The following GALNT15 variants were observed in gnomAD, a reference collection of about 807,000 sequenced individuals.
The protein encoded by GALNT15 is UDP-GalNAc transferase T15.
In GALNT15, 67 loss-of-function variants were observed where a neutral mutation model predicts 66.8. That is an observed-to-expected ratio of 1.00 (90% confidence interval 0.82 to 1.23). GALNT15 has a LOEUF of 1.23. GALNT15 is among the 50% of genes most tolerant of loss of function. The pLI, the probability that GALNT15 is intolerant of heterozygous loss-of-function variation, is 0.00. For synonymous variants in GALNT15, 313 were observed against 311.5 expected, an observed-to-expected ratio of 1.00 and a Z score of -0.05; for missense variants, 827 against 804.3, an observed-to-expected ratio of 1.03 and a Z score of -0.34.
chr3:16,238,917 A>C, the GALNT15 span, among the ~76,000 whole-genome samples: 4 of 152,202 alleles, frequency 2.6e-5, no homozygotes, highest in Non-Finnish European at 5.9e-5. This position sits in a 1 kb window ranked among gnomAD's most constrained non-coding sequence, Gnocchi z 4.8. Context: ...TCACATGCCT[A>C]GTTGAGGACA....
rs2063623826 is a variant in GALNT15, at chr3:16,195,623, G to A, written c.540-137G>A. On this transcript the variant is annotated intron_variant, in intron 1 of 9. Transcript: ENST00000339732. The surrounding 1 kb of genome is among the most constrained non-coding windows in gnomAD (Gnocchi z 4.6). The stretch of plus-strand genomic sequence containing the variant: ...GAGGCGTAACAGGTTCTTTTTATAT[G>A]GGAATTTTAAGAGATCCCATAGGAC... 1 of 617,360 alleles carries A rather than the reference G, an allele frequency of 1.6e-6. No homozygotes were observed. The highest frequency in any genetic ancestry group is 1.8e-5 in the African/African-American group (1 of 55,174). The allele number at this position is 617,360 out of a possible 1,614,324, so 38.2% of individuals were successfully genotyped here.
rs36127239 is a variant in GALNT15, at chr3:16,207,501, TAAAAAAAAAAAAAAAA to T, written c.912-975_912-960del. Among the ~76,000 whole-genome samples, 223 of 39,832 alleles carry T rather than the reference TAAAAAAAAAAAAAAAA, an allele frequency of 5.6e-3. 17 individuals carry two copies. Among genetic ancestry groups the T allele is most frequent in the African/African-American group, 0.022 (204 of 9,398 alleles). The allele number at this position is 39,832 out of a possible 152,430, so 26.1% of individuals were successfully genotyped here. On this transcript the variant is annotated intron_variant, in intron 3 of 9. Transcript: ENST00000339732. ...ACTCTGCAGTCATATCTCCAGGCTGTAAAAAAAAAAAAAAAAAAAAAAAAAAAAAAAAAAAAAAAAA... is the reference window on the plus strand; with the variant it reads ...ACTCTGCAGTCATATCTCCAGGCTGTAAAAAAAAAAAAAAAAAAAAAAAAA...
chr3:16,212,466 G>A (rs1273369449), intron 5 of GALNT15, 103 bp from the exon 6 acceptor site: 2 of 1,062,444 alleles, frequency 1.9e-6, no homozygotes, highest in East Asian at 2.5e-5. Flanking sequence ...GAGTGCTCAC[G>A]ATTTCCTGTG....
Position 16,228,701 on chromosome 3 carries a change from G to A in GALNT15, c.*1201G>A, listed in dbSNP as rs1022019855. ...CCTGTTACAGGGTTTGCACTGACTG[G>A]AGCAGAAACAGCAACCTTTCTAAAA... On this transcript the variant is annotated 3_prime_UTR_variant, in exon 10 of 10. Coordinates refer to ENST00000339732, the MANE Select transcript of GALNT15 (RefSeq NM_054110.5). 8.1e-6 allele frequency: 8 copies of A among 985,074 alleles called. No individual in the cohort carries two copies. The highest frequency in any genetic ancestry group is 1.2e-4 in the Admixed American group (2 of 16,252). 61.0% of individuals were successfully genotyped at this position (985,074 alleles called of 1,614,324 possible).
intron 6 of GALNT15, among the ~76,000 whole-genome samples, chr3:16,213,713 C>T (rs979573097): frequency 2.0e-5 from 3 of 152,114 alleles, no homozygotes; most frequent in Non-Finnish European, 4.4e-5. Flanking sequence ...CCTTAGCAGC[C>T]CACACTGCTG....
intron 2 of GALNT15, among the ~76,000 whole-genome samples, chr3:16,196,747 A>T (rs1231052637): frequency 6.6e-6 from 1 of 152,182 alleles, no homozygotes; most frequent in Non-Finnish European, 1.5e-5. Context: ...ACACTCTGAG[A>T]ACCTCTGCTC....
chr3:16,220,036 G>T (rs751034615), intron 8 of GALNT15, 22 bp downstream of exon 8: 17 of 1,567,052 alleles, frequency 1.1e-5, no homozygotes, highest in Middle Eastern at 3.3e-4. Flanking sequence ...GACTTCTCAG[G>T]ATGGATGATA....
At chr3:16,247,097 AGTGT>A in the GALNT15 span, among the ~76,000 whole-genome samples, 7,497 of 144,850 alleles carry the variant, frequency 0.052, 426 homozygotes, top group African/African-American at 0.15. Flanking sequence ...CAAAGACTGT[AGTGT>A]GTGTGTGTGT....
intron 2 of GALNT15, among the ~76,000 whole-genome samples, chr3:16,197,239 T>C (rs1261088639): frequency 6.6e-6 from 1 of 152,114 alleles, no homozygotes; most frequent in East Asian, 1.9e-4. Context: ...AGAAATGGGC[T>C]ACCCCAGAGC....
downstream of GALNT15, among the ~76,000 whole-genome samples, chr3:16,232,499 T>A (rs1177088832): frequency 5.2e-4 from 46 of 88,432 alleles, no homozygotes; most frequent in African/African-American, 2.1e-3. Flanking sequence ...TATATATATA[T>A]ATATATATAT....
chr3:16,200,766 A>G lies in GALNT15; in HGVS notation c.854A>G (p.His285Arg), dbSNP rs778842843. The part of the protein sequence containing the change: ...TGDVLVFMDA[H>R]CECHPGWLEP... ...GATGTGCTCGTCTTCATGGATGCCC[A>G]CTGCGAGTGCCACCCAGGCTGGCTG... Residue 285 changes from histidine to arginine, a missense_variant, in exon 3 of 10, where the codon CAC becomes CGC. Coordinates refer to ENST00000339732, the MANE Select transcript of GALNT15 (RefSeq NM_054110.5). This position sits in a 1 kb window ranked among gnomAD's most constrained non-coding sequence, Gnocchi z 4.4. 1 of 1,612,392 alleles carries G rather than the reference A, an allele frequency of 6.2e-7. No individual in the cohort carries two copies. The highest frequency in any genetic ancestry group is 8.5e-7 in the Non-Finnish European group (1 of 1,179,378).
chr3:16,227,667 C>A lies in GALNT15; in HGVS notation c.*167C>A, dbSNP rs182193658. 201 of 1,434,500 alleles carry A rather than the reference C, an allele frequency of 1.4e-4. No homozygotes were observed. The East Asian group carries it at 5.0e-3, about 36-fold the overall frequency. The allele number at this position is 1,434,500 out of a possible 1,614,324, so 88.9% of individuals were successfully genotyped here. On this transcript the variant is annotated 3_prime_UTR_variant, in exon 10 of 10. Coordinates refer to ENST00000339732, the MANE Select transcript of GALNT15 (RefSeq NM_054110.5). The surrounding 1 kb of genome is among the most constrained non-coding windows in gnomAD (Gnocchi z 4.5). Reference sequence around the variant, plus strand: ...ATATAGGAAGTTTCTCCTTTTCACACCTTATTTCATTGACTGCTGGCTGCT... The same window carrying A: ...ATATAGGAAGTTTCTCCTTTTCACAACTTATTTCATTGACTGCTGGCTGCT...
chr3:16,202,372 C>T (rs978919560), intron 3 of GALNT15, among the ~76,000 whole-genome samples: 13 of 152,212 alleles, frequency 8.5e-5, no homozygotes, highest in African/African-American at 3.1e-4. Flanking sequence ...GTGGCTCATG[C>T]CTGTAATCCC....
chr3:16,206,541 C>A (rs1470575544), intron 3 of GALNT15, among the ~76,000 whole-genome samples: 1 of 150,840 alleles, frequency 6.6e-6, no homozygotes, highest in African/African-American at 2.4e-5. Context: ...GGCGTTGTGG[C>A]GGGCACCTGT....
At position 16,187,911 on chromosome 3, in the gene GALNT15, C is replaced by T. The variant is rs1445337064; in HGVS notation, c.540-7849C>T. ...AGGTGCTACCCTATTCCTCCATTCT[C>T]CCTCAGTGAAAACAAATCATAGACT... On this transcript the variant is annotated intron_variant, in intron 1 of 9. Transcript: ENST00000339732. This position sits in a 1 kb window ranked among gnomAD's most constrained non-coding sequence, Gnocchi z 5.1. 1.3e-5 allele frequency among the ~76,000 whole-genome samples: 2 copies of T among 152,204 alleles called. No individual in the cohort carries two copies. The highest frequency in any genetic ancestry group is 2.9e-5 in the Non-Finnish European group (2 of 68,038).
At chr3:16,190,141 G>C (rs536067240) in intron 1 of GALNT15, among the ~76,000 whole-genome samples, 1 of 152,308 alleles carries the variant, frequency 6.6e-6, no homozygotes, top group Admixed American at 6.5e-5. Context: ...CTGCCACCTG[G>C]AACAATGAGA....
Position 16,222,629 on chromosome 3 carries a change from C to T in GALNT15, c.1644C>T (p.Thr548=). Residue 548 remains threonine (T), a synonymous_variant, in exon 9 of 10, where the codon ACC becomes ACT. Coordinates refer to ENST00000339732, the MANE Select transcript of GALNT15 (RefSeq NM_054110.5). ...DSRQQQYLQH[T]SRKEIHFGSP... ...TTCTGTCACAGTACCTGCAGCACACCAGCAGGAAGGAGATTCACTTTGGCA... is the reference window on the plus strand; with the variant it reads ...TTCTGTCACAGTACCTGCAGCACACTAGCAGGAAGGAGATTCACTTTGGCA... The T allele has an allele frequency of 2.5e-6, 4 of 1,614,208 alleles. No individual in the cohort carries two copies. Among genetic ancestry groups the T allele is most frequent in the Non-Finnish European group, 2.5e-6 (3 of 1,180,022 alleles).
Position 16,200,619 on chromosome 3 carries a change from G to C in GALNT15, c.707G>C (p.Gly236Ala). ...IILVDDLSQQ[G>A]QLKSALSEYV... is the part of the protein sequence containing the mutation. ...CTGACCACAACCCTGTTGATTCCAG[G>C]ACAACTCAAGTCTGCTCTCAGCGAA... The change falls in exon 3 of 10, where the codon GGA becomes GCA. Residue 236 changes from glycine (G) to alanine (A), a missense_variant and splice_region_variant. Physicochemically the swap from Gly to Ala is moderately conservative, Grantham distance 60 (BLOSUM62 0). Transcript: ENST00000339732. This position sits in a 1 kb window ranked among gnomAD's most constrained non-coding sequence, Gnocchi z 4.4. 1 of 1,530,594 alleles carries C rather than the reference G, an allele frequency of 6.5e-7. No individual in the cohort carries two copies. The highest frequency in any genetic ancestry group is 8.8e-7 in the Non-Finnish European group (1 of 1,137,182). 94.8% of individuals were successfully genotyped at this position (1,530,594 alleles called of 1,614,324 possible).
At chr3:16,242,020 T>C in the GALNT15 span, among the ~76,000 whole-genome samples, 5 of 152,078 alleles carry the variant, frequency 3.3e-5, no homozygotes, top group Non-Finnish European at 4.4e-5. This position sits in a 1 kb window ranked among gnomAD's most constrained non-coding sequence, Gnocchi z 5.6. Context: ...GGCCCTCCCC[T>C]CTCCATATAA....
Sources: gnomAD v4.1 joint callset for allele counts (sites outside exome capture counted in the v4.1 genomes callset) on GRCh38, gnomAD v4.1.1 for gene constraint, Gnocchi (gnomAD v3.1) non-coding constraint, MANE v1.5 for transcripts, NCBI Gene and HGNC (gene_info 2026-07-23, HGNC 2026-07-21) for gene names.